The following TAMM41 variants were observed in gnomAD, a reference collection of about 807,000 sequenced individuals.
TAMM41 encodes the protein TAM41 mitochondrial translocator assembly and maintenance homolog, also known as phosphatidate cytidylyltransferase, mitochondrial.
TAMM41 carries 36 observed loss-of-function variants against 44.1 expected under a neutral mutation model. The observed-to-expected ratio is 0.82, with a 90% CI of 0.63 to 1.08. The LOEUF is 1.08. Ranked by LOEUF, TAMM41 falls within the 50% of genes least tolerant of loss-of-function variation. The probability of loss-of-function intolerance (pLI) is 0.00; values close to 1 mark genes in which losing one functional copy is unlikely to be tolerated. For missense variants in TAMM41, 417 were observed against 404.3 expected (o/e 1.03, Z -0.27); for synonymous variants, 164 against 153.1 (o/e 1.07, Z -0.53).
intron 7 of TAMM41, among the ~76,000 whole-genome samples, chr3:11,801,236 A>G (rs900644877): frequency 1.3e-5 from 2 of 152,200 alleles, no homozygotes; most frequent in Admixed American, 6.5e-5. Context: ...AAAGCTAGAA[A>G]TCAACATAAG....
At chr3:11,722,076 A>G in the TAMM41 span, 3 of 152,234 alleles carry the variant, frequency 2.0e-5, no homozygotes. Context: ...CTTTATGACA[A>G]CATTGCCATT....
the TAMM41 span, among the ~76,000 whole-genome samples, chr3:11,745,917 T>C: frequency 1.3e-5 from 2 of 152,198 alleles, no homozygotes; most frequent in Admixed American, 1.3e-4. Context: ...CTGAAATGGC[T>C]AAAAGTAAAA....
chr3:11,730,764 G>GA, the TAMM41 span, among the ~76,000 whole-genome samples: 1 of 151,780 alleles, frequency 6.6e-6, no homozygotes, highest in African/African-American at 2.4e-5. Context: ...AAAACAAAAA[G>GA]AAAAAAAATT....
At chr3:11,827,467 G>A (rs1046500731) in intron 4 of TAMM41, among the ~76,000 whole-genome samples, 3 of 151,394 alleles carry the variant, frequency 2.0e-5, no homozygotes, top group African/African-American at 7.3e-5. Flanking sequence ...GCACCACCAC[G>A]CCTGACTAAT....
At chr3:11,743,316 G>A in the TAMM41 span, among the ~76,000 whole-genome samples, 3 of 149,026 alleles carry the variant, frequency 2.0e-5, no homozygotes, top group Non-Finnish European at 4.4e-5. Context: ...TTTCAGAGAT[G>A]TAAACTACCT....
chr3:11,781,562 C>G, the TAMM41 span, among the ~76,000 whole-genome samples: 23,378 of 151,782 alleles, frequency 0.15, 3,445 homozygotes, highest in East Asian at 0.61. Context: ...TGGCAAAACC[C>G]CATCTCTACT....
intron 7 of TAMM41, among the ~76,000 whole-genome samples, chr3:11,793,859 T>G (rs993864175): frequency 3.9e-5 from 6 of 152,208 alleles, no homozygotes; most frequent in African/African-American, 1.4e-4. Flanking sequence ...ATGACTGTAT[T>G]TCTTTACCTG....
At chr3:11,733,968 A>T in the TAMM41 span, among the ~76,000 whole-genome samples, 19 of 152,156 alleles carry the variant, frequency 1.2e-4, no homozygotes, top group African/African-American at 4.3e-4. Flanking sequence ...GCCAGCAAGC[A>T]GATGGAGAAA....
In TAMM41 at chr3:11,846,672, G is replaced by A. The variant is rs377515989; in HGVS notation, c.-36C>T. The stretch of plus-strand genomic sequence containing the variant: ...CTAACAGGGGACACTCAGCGCAGCA[G>A]GGCGAGGACAACCGGGCGGGGAACA... On this transcript the variant is annotated 5_prime_UTR_variant, in exon 1 of 8. Transcript: ENST00000455809. 331 of 1,613,420 alleles carry A rather than the reference G, an allele frequency of 2.1e-4. No homozygotes were observed. Among genetic ancestry groups the A allele is most frequent in the Non-Finnish European group, 2.5e-4 (300 of 1,179,654 alleles).
chr3:11,797,896 A>G lies in TAMM41; in HGVS notation c.938-7315T>C, dbSNP rs181817212. On this transcript the variant is annotated intron_variant, in intron 7 of 7. Transcript: ENST00000455809. ...TGCAGCCAACAATCAAAGGAAAAAA[A>G]GCTCAACATGACTGACTGATAATTA... Among the ~76,000 whole-genome samples, 26 of 152,358 alleles carry G rather than the reference A, an allele frequency of 1.7e-4. No individual in the cohort carries two copies. The East Asian group carries it at 5.0e-3, about 29-fold the overall frequency.
intron 6 of TAMM41, chr3:11,808,220 G>T: frequency 9.1e-7 from 1 of 1,095,970 alleles, no homozygotes; most frequent in Non-Finnish European, 1.1e-6. Flanking sequence ...TGAGATTTCT[G>T]GTTCTCAATT....
At chr3:11,812,725 C>T (rs904370968) in intron 5 of TAMM41, among the ~76,000 whole-genome samples, 6 of 152,192 alleles carry the variant, frequency 3.9e-5, no homozygotes, top group African/African-American at 1.4e-4. Context: ...GCAATCGGCC[C>T]TGGTCATCAG....
chr3:11,833,156 G>GA (rs1248514644), intron 3 of TAMM41: 5 of 1,283,720 alleles, frequency 3.9e-6, no homozygotes, highest in Non-Finnish European at 5.1e-6. Context: ...AGAGGCCTGG[G>GA]AAAAAAAGAA....
At chr3:11,820,405 C>T (rs2078467061) in intron 4 of TAMM41, among the ~76,000 whole-genome samples, 1 of 152,260 alleles carries the variant, frequency 6.6e-6, no homozygotes, top group Admixed American at 6.5e-5. Flanking sequence ...TTATGTTTTA[C>T]AATCCAAATC....
intron 3 of TAMM41, among the ~76,000 whole-genome samples, chr3:11,833,657 A>G (rs2079069443): frequency 6.6e-6 from 1 of 152,202 alleles, no homozygotes; most frequent in Admixed American, 6.5e-5. Flanking sequence ...CACAGAGAAG[A>G]AACAGTTGTC....
At chr3:11,796,023 G>C (rs2077596541) in intron 7 of TAMM41, among the ~76,000 whole-genome samples, 1 of 152,154 alleles carries the variant, frequency 6.6e-6, no homozygotes, top group South Asian at 2.1e-4. Context: ...CCAGGCTAAA[G>C]GAAAAGGAAA....
chr3:11,837,837 T>C (rs2079248266), intron 3 of TAMM41, among the ~76,000 whole-genome samples: 1 of 152,052 alleles, frequency 6.6e-6, no homozygotes, highest in African/African-American at 2.4e-5. Context: ...CCCAAATGGG[T>C]CAACTTGGAG....
chr3:11,818,993 C>A (rs2078401894), intron 4 of TAMM41, among the ~76,000 whole-genome samples: 1 of 151,996 alleles, frequency 6.6e-6, no homozygotes, highest in East Asian at 1.9e-4. Flanking sequence ...AAGCGAGTCC[C>A]AGTCCTAAAA....
chr3:11,741,324 G>A, the TAMM41 span, among the ~76,000 whole-genome samples: 1 of 148,868 alleles, frequency 6.7e-6, no homozygotes. Flanking sequence ...GCAGAAGGTG[G>A]AAGGACAAGA....
Sources: gnomAD v4.1 joint callset for allele counts (sites outside exome capture counted in the v4.1 genomes callset) on GRCh38, gnomAD v4.1.1 for gene constraint, MANE v1.5 for transcripts, NCBI Gene and HGNC (gene_info 2026-07-23, HGNC 2026-07-21) for gene names.